The following PHACTR3 variants were observed in gnomAD, a reference collection of about 807,000 sequenced individuals.
The protein encoded by PHACTR3 is phosphatase and actin regulator 3.
Under a neutral mutation model 66.8 loss-of-function variants are expected in PHACTR3, and 16 were observed. The ratio of observed to expected loss-of-function variants is 0.24; its 90% CI spans 0.16 to 0.36. PHACTR3 has a LOEUF of 0.36. Ranked by LOEUF, PHACTR3 falls within the 10% of genes least tolerant of loss-of-function variation. The probability of loss-of-function intolerance (pLI) is 1.00; values close to 1 mark genes in which losing one functional copy is unlikely to be tolerated. For synonymous variants in PHACTR3, 323 were observed against 292.1 expected (o/e 1.11, Z -1.08); for missense variants, 647 against 719.9 (o/e 0.90, Z 1.16).
intron 1 of PHACTR3, among the ~76,000 whole-genome samples, chr20:59,705,691 G>A (rs925038661): frequency 5.9e-5 from 9 of 152,158 alleles, no homozygotes; most frequent in African/African-American, 2.2e-4. Context: ...CACCTGAGCC[G>A]AGACACTCCT....
At chr20:59,746,295 C>T (rs965666204) in intron 2 of PHACTR3, among the ~76,000 whole-genome samples, 5 of 152,214 alleles carry the variant, frequency 3.3e-5, no homozygotes, top group Admixed American at 6.5e-5. Flanking sequence ...GTCAGTCCCC[C>T]GCCCCAGGCC....
intron 1 of PHACTR3, among the ~76,000 whole-genome samples, chr20:59,589,299 C>CGAT (rs1184468898): frequency 6.6e-6 from 1 of 152,206 alleles, no homozygotes; most frequent in Non-Finnish European, 1.5e-5. Flanking sequence ...TTGCTTTCCC[C>CGAT]AAATGCGAAA....
chr20:59,759,528 G>T (rs2039924369), intron 4 of PHACTR3, among the ~76,000 whole-genome samples: 1 of 152,162 alleles, frequency 6.6e-6, no homozygotes, highest in South Asian at 2.1e-4. Context: ...TTCCATGAAG[G>T]TTAAGAGCCT....
upstream of PHACTR3, among the ~76,000 whole-genome samples, chr20:59,600,350 G>A (rs2033440525): frequency 6.6e-6 from 1 of 152,222 alleles, no homozygotes; most frequent in South Asian, 2.1e-4. Flanking sequence ...AAGCCAATGT[G>A]CAATCATGTC....
At chr20:59,842,001 A>G (rs1396678425) in intron 11 of PHACTR3, among the ~76,000 whole-genome samples, 9 of 152,206 alleles carry the variant, frequency 5.9e-5, no homozygotes, top group Admixed American at 5.9e-4. Flanking sequence ...AGAGGCATTC[A>G]AGAAAGCCTC....
chr20:59,743,395 C>A, intron 2 of PHACTR3, 127 bp downstream of exon 2: 1 of 1,254,728 alleles, frequency 8.0e-7, no homozygotes. Context: ...GCTTCATGGC[C>A]TGTGATGGCC....
chr20:59,747,136 G>A (rs1261568607), intron 2 of PHACTR3, among the ~76,000 whole-genome samples: 2 of 152,316 alleles, frequency 1.3e-5, no homozygotes, highest in South Asian at 2.1e-4. Flanking sequence ...GGAAGGGGAG[G>A]CAGAAAGGGC....
intron 1 of PHACTR3, among the ~76,000 whole-genome samples, chr20:59,596,013 A>G (rs1422779373): frequency 6.6e-6 from 1 of 152,256 alleles, no homozygotes; most frequent in Non-Finnish European, 1.5e-5. Flanking sequence ...AACGCAGTTC[A>G]AGAAGCAGAA....
intron 7 of PHACTR3, among the ~76,000 whole-genome samples, chr20:59,778,904 G>A (rs2040629137): frequency 6.6e-6 from 1 of 152,176 alleles, no homozygotes; most frequent in African/African-American, 2.4e-5. Context: ...GTGGGGGAAG[G>A]TAGCACTCAT....
At chr20:59,803,163 A>G (rs942902792) in intron 7 of PHACTR3, among the ~76,000 whole-genome samples, 3 of 152,218 alleles carry the variant, frequency 2.0e-5, no homozygotes, top group Admixed American at 6.5e-5. Flanking sequence ...CTACAAATGC[A>G]GACTGTCACA....
intron 4 of PHACTR3, among the ~76,000 whole-genome samples, chr20:59,759,501 T>A (rs939098978): frequency 2.6e-5 from 4 of 152,164 alleles, no homozygotes; most frequent in African/African-American, 9.7e-5. Flanking sequence ...TAGATGGGTG[T>A]TGGAGTTTGC....
chr20:59,839,772 C>T (rs558100406), intron 9 of PHACTR3, among the ~76,000 whole-genome samples: 1 of 152,274 alleles, frequency 6.6e-6, no homozygotes, highest in South Asian at 2.1e-4. Flanking sequence ...TAACAGTGTT[C>T]ACGCTTCAGC....
intron 7 of PHACTR3, among the ~76,000 whole-genome samples, chr20:59,795,223 T>A (rs1470033904): frequency 2.0e-5 from 3 of 152,186 alleles, no homozygotes; most frequent in African/African-American, 7.2e-5. Context: ...CTAATTTCCC[T>A]TTTAATTTTG....
At chr20:59,662,051 AG>A (rs1052103647) in intron 1 of PHACTR3, among the ~76,000 whole-genome samples, 2 of 152,146 alleles carry the variant, frequency 1.3e-5, no homozygotes, top group Non-Finnish European at 2.9e-5. Flanking sequence ...TTGTGCTTGA[AG>A]GGCACTCTTT....
At chr20:59,678,836 C>T (rs1483003845) in intron 1 of PHACTR3, among the ~76,000 whole-genome samples, 6 of 152,122 alleles carry the variant, frequency 3.9e-5, no homozygotes, top group East Asian at 1.9e-4. Flanking sequence ...CTCCTTCTGC[C>T]GGACCAGAAG....
At chr20:59,758,374 T>C (rs533341808) in intron 4 of PHACTR3, among the ~76,000 whole-genome samples, 33 of 152,292 alleles carry the variant, frequency 2.2e-4, no homozygotes, top group African/African-American at 7.0e-4. Context: ...CTTTTTCTTA[T>C]AAACAGAGAT....
chr20:59,638,496 AGATT>A (rs1389636501), intron 1 of PHACTR3, among the ~76,000 whole-genome samples: 11 of 128,304 alleles, frequency 8.6e-5, no homozygotes, highest in Admixed American at 2.6e-4. Context: ...ATGGATGGAT[AGATT>A]GATTGGTAGA....
intron 4 of PHACTR3, among the ~76,000 whole-genome samples, chr20:59,758,678 C>T (rs1353310863): frequency 6.6e-6 from 1 of 152,140 alleles, no homozygotes; most frequent in Non-Finnish European, 1.5e-5. Flanking sequence ...ATCTCACGCC[C>T]ATGATGAAAT....
chr20:59,696,770 C>G (rs1051168954), intron 1 of PHACTR3, among the ~76,000 whole-genome samples: 10 of 152,144 alleles, frequency 6.6e-5, no homozygotes. Context: ...CCATTTGAGG[C>G]TGATGGACCC....
Sources: allele counts gnomAD v4.1 joint callset (sites outside exome capture counted in the v4.1 genomes callset), GRCh38; gene constraint gnomAD v4.1.1; transcripts MANE v1.5; gene names NCBI Gene and HGNC (gene_info 2026-07-23, HGNC 2026-07-21).